RARB: variants seen among roughly 807,000 people sequenced by gnomAD.
RARB encodes HBV-activated protein.
Under a neutral mutation model 51.9 loss-of-function variants are expected in RARB, and 17 were observed. That is an observed-to-expected ratio of 0.33 (90% CI 0.22 to 0.49). The LOEUF is 0.49. RARB is among the 20% of genes least tolerant of loss of function. RARB has a pLI of 0.99. For synonymous variants in RARB, 215 were observed against 195.4 expected (o/e 1.10, Z -0.84); for missense variants, 369 against 550.8 (o/e 0.67, Z 3.30).
At chr3:25,319,513 T>C (rs984292314) in intron 5 of RARB, among the ~76,000 whole-genome samples, 2 of 152,188 alleles carry the variant, frequency 1.3e-5, no homozygotes, top group African/African-American at 2.4e-5. Flanking sequence ...TCTCCATCTC[T>C]TAGCCCAGAC....
intron 5 of RARB, among the ~76,000 whole-genome samples, chr3:25,306,564 C>T (rs79040167): frequency 1.4e-4 from 21 of 151,644 alleles, no homozygotes; most frequent in African/African-American, 3.6e-4. Context: ...AACCCTGTTA[C>T]GTGAGGAAAA....
intron 2 of RARB, among the ~76,000 whole-genome samples, chr3:24,904,772 T>C (rs763732092): frequency 5.5e-4 from 84 of 152,156 alleles, no homozygotes; most frequent in Non-Finnish European, 1.1e-3. Context: ...CAAATGCCCA[T>C]CAATGATAGG....
chr3:25,304,175 G>A (rs906794493), intron 5 of RARB, among the ~76,000 whole-genome samples: 6 of 152,112 alleles, frequency 3.9e-5, no homozygotes, highest in Non-Finnish European at 8.8e-5. Context: ...GAACTGTCTG[G>A]CAGATAGTCA....
At chr3:25,052,895 A>G (rs1698365983) in intron 2 of RARB, among the ~76,000 whole-genome samples, 2 of 152,240 alleles carry the variant, frequency 1.3e-5, no homozygotes, top group South Asian at 4.1e-4. Context: ...TAGAAAAAAA[A>G]AAAAGATTCT....
intron 2 of RARB, among the ~76,000 whole-genome samples, chr3:24,961,833 T>A (rs1696145261): frequency 1.3e-5 from 2 of 151,876 alleles, no homozygotes; most frequent in Non-Finnish European, 2.9e-5. Flanking sequence ...GTACATAATG[T>A]CTATAAAAAC....
chr3:25,349,086 TCCCTTC>T (rs1705482394), intron 5 of RARB, among the ~76,000 whole-genome samples: 1 of 152,164 alleles, frequency 6.6e-6, no homozygotes, highest in Non-Finnish European at 1.5e-5. Flanking sequence ...GTCCTACATT[TCCCTTC>T]CATCCACTCC....
At chr3:25,313,043 G>A (rs1221075788) in intron 5 of RARB, among the ~76,000 whole-genome samples, 1 of 152,206 alleles carries the variant, frequency 6.6e-6, no homozygotes, top group Non-Finnish European at 1.5e-5. Context: ...TTGAATGTGG[G>A]CAGATTACTT....
chr3:25,357,527 T>G (rs994437721), intron 5 of RARB, among the ~76,000 whole-genome samples: 2 of 152,238 alleles, frequency 1.3e-5, no homozygotes, highest in Non-Finnish European at 2.9e-5. Context: ...TAGATCTCAT[T>G]TGTCAATTTT....
intron 2 of RARB, among the ~76,000 whole-genome samples, chr3:25,493,052 G>T (rs1696823839): frequency 6.7e-6 from 1 of 148,994 alleles, no homozygotes; most frequent in African/African-American, 2.5e-5. Context: ...CAGCTTTCTT[G>T]TTTGGAGTAT....
chr3:24,949,762 G>A (rs1339065002), intron 2 of RARB, among the ~76,000 whole-genome samples: 1 of 152,114 alleles, frequency 6.6e-6, no homozygotes, highest in African/African-American at 2.4e-5. Context: ...AAAGGATAAA[G>A]TACTCTTTAA....
intron 3 of RARB, among the ~76,000 whole-genome samples, chr3:25,541,775 T>C (rs142821821): frequency 2.0e-5 from 3 of 152,268 alleles, no homozygotes; most frequent in African/African-American, 4.8e-5. Context: ...TATCCTCCTC[T>C]TTACCTTCGA....
chr3:25,261,048 C>T (rs1483855), intron 5 of RARB, among the ~76,000 whole-genome samples: 1 of 151,972 alleles, frequency 6.6e-6, no homozygotes, highest in Non-Finnish European at 1.5e-5. Flanking sequence ...TATCTACCTC[C>T]TAGGGTTGTT....
At chr3:25,041,377 A>T (rs1698111288) in intron 2 of RARB, among the ~76,000 whole-genome samples, 1 of 152,142 alleles carries the variant, frequency 6.6e-6, no homozygotes, top group Non-Finnish European at 1.5e-5. Flanking sequence ...TCCATCTTTA[A>T]GAATTTTTAC....
chr3:25,357,712 T>G (rs952252967), intron 5 of RARB, among the ~76,000 whole-genome samples: 2 of 152,208 alleles, frequency 1.3e-5, no homozygotes, highest in African/African-American at 2.4e-5. Context: ...AGGGGTGCAG[T>G]TTCAGTTTTC....
intron 2 of RARB, among the ~76,000 whole-genome samples, chr3:24,999,123 A>G (rs1446702367): frequency 3.3e-5 from 5 of 152,174 alleles, no homozygotes; most frequent in Admixed American, 6.6e-5. Context: ...TTTCTGTTAT[A>G]TAGATAAACA....
intron 4 of RARB, among the ~76,000 whole-genome samples, chr3:25,143,930 C>A (rs900845659): frequency 6.6e-6 from 1 of 152,184 alleles, no homozygotes; most frequent in Non-Finnish European, 1.5e-5. Context: ...CCTAGAAATA[C>A]TCATTTCCTT....
In RARB at chr3:24,852,247, C is replaced by T. The variant is rs976502585; in HGVS notation, c.-458-6427C>T. 4.6e-5 allele frequency among the ~76,000 whole-genome samples: 7 copies of T among 152,216 alleles called. 1 individual carries two copies. Among genetic ancestry groups the T allele is most frequent in the South Asian group, 2.1e-4 (1 of 4,810 alleles). ...CGGGACGAATCTGAAAGCACCATTT[C>T]GCACATTTCAACATTAAGAGTGAAC... On this transcript the variant is annotated intron_variant, in intron 1 of 11. Coordinates refer to the RARB transcript ENST00000383772.
chr3:24,901,927 T>A (rs1358752171), intron 2 of RARB, among the ~76,000 whole-genome samples: 2 of 151,964 alleles, frequency 1.3e-5, no homozygotes, highest in African/African-American at 4.8e-5. Flanking sequence ...AACTGCAGTT[T>A]TTGCCATTGA....
chr3:25,100,626 T>C (rs751256694), intron 3 of RARB, among the ~76,000 whole-genome samples: 13 of 152,200 alleles, frequency 8.5e-5, no homozygotes, highest in Non-Finnish European at 1.8e-4. Context: ...AAACATAGTG[T>C]TTGTGATCTG....
Sources: allele counts gnomAD v4.1 joint callset (sites outside exome capture counted in the v4.1 genomes callset), GRCh38; gene constraint gnomAD v4.1.1; transcripts MANE v1.5; gene names NCBI Gene and HGNC (gene_info 2026-07-23, HGNC 2026-07-21).